ATP6V0D2: variants seen among roughly 807,000 people sequenced by gnomAD.
The protein encoded by ATP6V0D2 is ATPase H+ transporting V0 subunit d2, also known as V-type proton ATPase subunit d 2.
Under a neutral mutation model 40.0 loss-of-function variants are expected in ATP6V0D2, and 40 were observed. The observed-to-expected ratio is 1.00, with a 90% CI of 0.78 to 1.30. The LOEUF (loss-of-function observed/expected upper bound fraction) is 1.30, where lower values mean the gene tolerates loss of function less well. ATP6V0D2 is among the 50% of genes most tolerant of loss of function. The pLI is 0.00. For missense variants in ATP6V0D2, 470 were observed against 423.1 expected, an observed-to-expected ratio of 1.11 and a Z score of -0.97; for synonymous variants, 179 against 156.3, an observed-to-expected ratio of 1.15 and a Z score of -1.08.
At chr8:86,104,436 T>C (rs921905267) in intron 1 of ATP6V0D2, among the ~76,000 whole-genome samples, 5 of 152,072 alleles carry the variant, frequency 3.3e-5, no homozygotes, top group African/African-American at 9.7e-5. Flanking sequence ...AGGAGAAATA[T>C]GGAAAGATTA....
intron 2 of ATP6V0D2, among the ~76,000 whole-genome samples, chr8:86,136,109 A>C (rs1395002586): frequency 2.6e-5 from 4 of 152,230 alleles, no homozygotes; most frequent in Non-Finnish European, 4.4e-5. Flanking sequence ...GGAACACTGC[A>C]AGAACTGGTA....
intron 2 of ATP6V0D2, among the ~76,000 whole-genome samples, chr8:86,134,157 C>A (rs377222436): frequency 2.6e-5 from 4 of 151,796 alleles, no homozygotes; most frequent in African/African-American, 9.7e-5. Context: ...CAGAAGCAAG[C>A]GGTGTAGTAT....
chr8:86,144,108 A>C (rs1323142648), intron 5 of ATP6V0D2, among the ~76,000 whole-genome samples: 1 of 152,170 alleles, frequency 6.6e-6, no homozygotes, highest in Non-Finnish European at 1.5e-5. Flanking sequence ...TCTCTAGCTG[A>C]TGTTATAACT....
intron 2 of ATP6V0D2, among the ~76,000 whole-genome samples, chr8:86,121,696 C>G (rs958808659): frequency 6.6e-6 from 1 of 151,922 alleles, no homozygotes; most frequent in African/African-American, 2.4e-5. Flanking sequence ...GGAAAGGTAT[C>G]CCACAGTTCT....
At chr8:86,121,780 A>G (rs968061143) in intron 2 of ATP6V0D2, among the ~76,000 whole-genome samples, 2 of 152,210 alleles carry the variant, frequency 1.3e-5, no homozygotes, top group African/African-American at 4.8e-5. Context: ...ATGAAATTCC[A>G]TCAAATGAAG....
intron 2 of ATP6V0D2, among the ~76,000 whole-genome samples, chr8:86,131,939 A>G (rs533343916): frequency 1.9e-4 from 29 of 152,328 alleles, no homozygotes; most frequent in African/African-American, 7.0e-4. Context: ...GGTCTACAGG[A>G]TGCTTTCCAA....
chr8:86,139,637 T>G lies in ATP6V0D2; in HGVS notation c.481+2T>G, dbSNP rs373510513. ...CCATTCTGATCGAAACGCCATTAGG[T>G]AGGAACACTTAGGTAATTTTGTAGC... On this transcript the variant is annotated splice_donor_variant, in intron 3 of 7. Transcript: ENST00000285393. LOFTEE classifies it high-confidence loss of function. 33 of 1,565,000 alleles carry G rather than the reference T, an allele frequency of 2.1e-5. No individual in the cohort carries two copies. The highest frequency in any genetic ancestry group is 3.4e-4 in the Middle Eastern group (2 of 5,868).
chr8:86,099,791 C>A (rs1410200810), intron 1 of ATP6V0D2, among the ~76,000 whole-genome samples: 1 of 152,116 alleles, frequency 6.6e-6, no homozygotes, highest in Non-Finnish European at 1.5e-5. Context: ...ATCATGCCTG[C>A]CAGATTCTTA....
intron 3 of ATP6V0D2, among the ~76,000 whole-genome samples, chr8:86,140,153 ATGAAATGAT>A (rs1359192131): frequency 6.6e-6 from 1 of 152,320 alleles, no homozygotes; most frequent in East Asian, 1.9e-4. Flanking sequence ...AGAAGCAATG[ATGAAATGAT>A]TGTTAATTTC....
chr8:86,133,316 CTTTT>C (rs1242479597), intron 2 of ATP6V0D2, among the ~76,000 whole-genome samples: 7 of 77,294 alleles, frequency 9.1e-5, no homozygotes, highest in South Asian at 6.2e-4. Flanking sequence ...AACAGAAAGT[CTTTT>C]TTTTTTTTTT....
intron 6 of ATP6V0D2, 23 bp from the exon 7 acceptor site, chr8:86,151,443 A>T: frequency 6.6e-7 from 1 of 1,505,762 alleles, no homozygotes; most frequent in African/African-American, 1.4e-5. Context: ...AATGTCTTTA[A>T]AATTAATGTC....
Position 86,152,954 on chromosome 8 carries a change from A to C in ATP6V0D2, c.1030A>C (p.Asn344His). 4 of 1,605,884 alleles carry C rather than the reference A, an allele frequency of 2.5e-6. No individual in the cohort carries two copies. The African/African-American group carries it at 5.4e-5, about 21-fold the overall frequency. Reference protein sequence around the residue: ...CISQRHRTKINSYIPIL With the variant: ...CISQRHRTKIHSYIPIL ...TTCACAGAGGCATCGAACTAAAATC[A>C]ACAGTTACATTCCAATTTTATAACC... is the stretch of plus-strand genomic sequence containing the variant. The change falls in exon 8 of 8, where the codon AAC (asparagine) becomes CAC (histidine). Residue 344 changes from asparagine to histidine, a missense_variant. By Grantham distance (68) the Asn-to-His change is moderately conservative (BLOSUM62 1). Transcript: ENST00000285393.
Position 86,099,555 on chromosome 8 carries a change from G to A in ATP6V0D2, c.130+447G>A, listed in dbSNP as rs145648391. ...GTTGCATAGGCTGAAGTATAGTGGC[G>A]TGATCTTGGCTCACCACAACCTCCG... is the stretch of plus-strand genomic sequence containing the variant. On this transcript the variant is annotated intron_variant, in intron 1 of 7. Transcript: ENST00000285393. Among the ~76,000 whole-genome samples the A allele has an allele frequency of 2.9e-3, 435 of 152,214 alleles. 3 individuals are homozygous for A. The highest frequency in any genetic ancestry group is 0.014 in the Middle Eastern group (4 of 294).
intron 1 of ATP6V0D2, among the ~76,000 whole-genome samples, chr8:86,112,839 A>G (rs1196528654): frequency 2.0e-5 from 3 of 152,168 alleles, no homozygotes; most frequent in Non-Finnish European, 4.4e-5. Flanking sequence ...TCTGGTGGAA[A>G]CGATGCTGGG....
At chr8:86,114,856 A>G (rs1818571668) in intron 2 of ATP6V0D2, among the ~76,000 whole-genome samples, 1 of 152,188 alleles carries the variant, frequency 6.6e-6, no homozygotes, top group African/African-American at 2.4e-5. Context: ...TGTTATGTAG[A>G]TAAAATGTAG....
chr8:86,142,914 A>T lies in ATP6V0D2; in HGVS notation c.599A>T (p.His200Leu), dbSNP rs759579980. 4.3e-6 allele frequency: 7 copies of T among 1,610,660 alleles called. No individual in the cohort carries two copies. Among genetic ancestry groups the T allele is most frequent in the Admixed American group, 1.7e-5 (1 of 59,842 alleles). Residue 200 changes from histidine (H) to leucine (L), a missense_variant, in exon 5 of 8, where the codon CAT (histidine) becomes CTT (leucine). His to Leu is a moderately conservative substitution (Grantham distance 99). Coordinates refer to ENST00000285393, the MANE Select transcript of ATP6V0D2 (RefSeq NM_152565.1). ...LEAFYKFCKN[H>L]GDVTAEVMCP... The stretch of plus-strand genomic sequence containing the variant: ...GCATTCTATAAATTCTGTAAGAATC[A>T]TGGTGATGTCACAGCAGAAGTTATG...
intron 2 of ATP6V0D2, among the ~76,000 whole-genome samples, chr8:86,134,694 T>G (rs998575496): frequency 1.3e-5 from 2 of 152,204 alleles, no homozygotes; most frequent in African/African-American, 4.8e-5. Context: ...ATAATAAAAC[T>G]TATTTTAATA....
chr8:86,139,718 G>A, intron 3 of ATP6V0D2, 83 bp downstream of exon 3: 1 of 1,412,622 alleles, frequency 7.1e-7, no homozygotes, highest in Non-Finnish European at 9.5e-7. Context: ...TCTTCCCTGT[G>A]GTCCAAAAGA....
chr8:86,111,998 G>A (rs1818532866), intron 1 of ATP6V0D2, among the ~76,000 whole-genome samples: 1 of 152,170 alleles, frequency 6.6e-6, no homozygotes, highest in South Asian at 2.1e-4. Context: ...GTCTCCTGTA[G>A]TTGGCAGCAC....
Sources: allele counts gnomAD v4.1 joint callset (sites outside exome capture counted in the v4.1 genomes callset), GRCh38; gene constraint gnomAD v4.1.1; transcripts MANE v1.5; gene names NCBI Gene and HGNC (gene_info 2026-07-23, HGNC 2026-07-21).